The following ENY2 variants were observed in gnomAD, a reference collection of about 807,000 sequenced individuals.
ENY2 encodes ENY2 transcription and export complex 2 subunit.
A neutral mutation model predicts 15.9 loss-of-function variants in ENY2; 4 were observed. The observed-to-expected ratio is 0.25, with a 90% confidence interval of 0.12 to 0.57. The LOEUF is 0.57. Ranked by LOEUF, ENY2 falls within the 20% of genes least tolerant of loss-of-function variation. ENY2 has a pLI of 0.91. For missense variants in ENY2, 54 were observed against 117.2 expected (o/e 0.46, Z 2.49); for synonymous variants, 48 against 38.0 (o/e 1.26, Z -0.97).
intron 2 of ENY2, chr8:109,338,728 A>G (rs554001272): frequency 6.6e-6 from 1 of 152,336 alleles, no homozygotes; most frequent in African/African-American, 2.4e-5. Context: ...GAGAGAAAGA[A>G]AACACTGGGG....
In ENY2 at chr8:109,334,847, C is replaced by T. The variant is rs918119970; in HGVS notation, c.6+373C>T. Reference sequence around the variant, plus strand: ...TTCAATATTCCAGGAGTGGTACTGACTAGACCTTGTAGTTATTTTGAAAAT... The same window carrying T: ...TTCAATATTCCAGGAGTGGTACTGATTAGACCTTGTAGTTATTTTGAAAAT... On this transcript the variant is annotated intron_variant, in intron 1 of 4. Transcript: ENST00000521688. The T allele has an allele frequency of 1.5e-5, 4 of 264,550 alleles. No homozygotes were observed. The Admixed American group carries it at 2.1e-4, about 14-fold the overall frequency. The allele number at this position is 264,550 out of a possible 1,614,324, so 16.4% of individuals were successfully genotyped here.
chr8:109,342,640 T>G (rs1214507899), intron 4 of ENY2: 3 of 683,888 alleles, frequency 4.4e-6, no homozygotes, highest in Non-Finnish European at 8.0e-6. Flanking sequence ...CCCGAGTAGC[T>G]GAGACCACAG....
chr8:109,343,745 A>G lies in ENY2; in HGVS notation c.*264A>G, dbSNP rs906273713. 2.6e-6 allele frequency: 1 copy of G among 384,404 alleles called. No homozygotes were observed. Among genetic ancestry groups the G allele is most frequent in the Non-Finnish European group, 4.7e-6 (1 of 214,012 alleles). The allele number at this position is 384,404 out of a possible 1,614,324, so 23.8% of individuals were successfully genotyped here. On this transcript the variant is annotated 3_prime_UTR_variant, in exon 5 of 5. Transcript: ENST00000521688. ...CACCAAATTTGTTGAGCGCAAAAGC[A>G]ATTAATGTAGTTTAAGTATTTAGTA...
In ENY2 at chr8:109,340,472, T is replaced by A; in HGVS notation, c.155-17T>A. On this transcript the variant is annotated splice_polypyrimidine_tract_variant and intron_variant, in intron 3 of 4. Transcript: ENST00000521688. The stretch of plus-strand genomic sequence containing the variant: ...ATGATTTTAAATGATATGATTTGTT[T>A]TTTGCTTTTGCATAAGAGGTAATTA... 1 of 1,611,782 alleles carries A rather than the reference T, an allele frequency of 6.2e-7. No individual in the cohort carries two copies.
intron 1 of ENY2, 154 bp downstream of exon 1, chr8:109,334,628 T>C: frequency 1.2e-6 from 1 of 844,530 alleles, no homozygotes; most frequent in Non-Finnish European, 1.7e-6. Flanking sequence ...AAACCAGTCC[T>C]CGCTTTGTTT....
intron 4 of ENY2, chr8:109,342,779 C>T (rs1047672114): frequency 1.7e-5 from 12 of 693,126 alleles, no homozygotes; most frequent in Non-Finnish European, 2.9e-5. Flanking sequence ...GCTGGGATGA[C>T]AGGCGTGAGC....
chr8:109,341,029 A>T (rs1816100779), intron 4 of ENY2, among the ~76,000 whole-genome samples: 1 of 152,128 alleles, frequency 6.6e-6, no homozygotes, highest in Admixed American at 6.5e-5. Context: ...TGTTCAGAGT[A>T]ATTCATATTT....
At chr8:109,334,502 C>T in intron 1 of ENY2, 28 bp downstream of exon 1, 2 of 1,609,828 alleles carry the variant, frequency 1.2e-6, no homozygotes, top group Non-Finnish European at 1.7e-6. Flanking sequence ...TCCTCAGGGC[C>T]GGGACCCGGG....
At chr8:109,340,624 TTGC>T in intron 4 of ENY2, 61 bp downstream of exon 4, 1 of 1,591,836 alleles carries the variant, frequency 6.3e-7, no homozygotes, top group Non-Finnish European at 8.5e-7. Context: ...TTAAAATCTC[TTGC>T]TGGTTCAGAT....
intron 4 of ENY2, chr8:109,342,658 C>T (rs1816147537): frequency 1.4e-6 from 1 of 693,674 alleles, no homozygotes; most frequent in South Asian, 1.5e-5. Context: ...CAGACACACA[C>T]CACCATGCTC....
At chr8:109,339,196 C>A in intron 2 of ENY2, 124 bp from the exon 3 acceptor site, 1 of 756,688 alleles carries the variant, frequency 1.3e-6, no homozygotes, top group Non-Finnish European at 2.2e-6. Context: ...CAAGATTAGG[C>A]CACAGTTAAA....
intron 1 of ENY2, chr8:109,335,819 C>G: frequency 5.1e-6 from 1 of 197,418 alleles, no homozygotes; most frequent in Admixed American, 5.9e-5. Context: ...CAAATTTTGC[C>G]TTTCCACTTT....
intron 2 of ENY2, chr8:109,338,795 GA>G (rs1816049500): frequency 6.6e-6 from 1 of 152,478 alleles, no homozygotes; most frequent in African/African-American, 2.4e-5. Flanking sequence ...TACAGTCAAT[GA>G]AATACCATTG....
rs974188230 is a variant in ENY2 at position 109,345,552 on chromosome 8, A to T, written c.*2071A>T. 6.6e-6 allele frequency: 1 copy of T among 152,164 alleles called. No homozygotes were observed. The highest frequency in any genetic ancestry group is 1.5e-5 in the Non-Finnish European group (1 of 68,018). 9.4% of individuals were successfully genotyped at this position (152,164 alleles called of 1,614,324 possible). A position where few individuals can be genotyped will look rare whatever the true frequency, so the allele number is the denominator to read the frequency against. ...TGTTTCACTTCATCTCTTATAAAAC[A>T]ATGTTCTAAAGTAAGTGATAGGGAT... On this transcript the variant is annotated 3_prime_UTR_variant, in exon 5 of 5. Coordinates refer to ENST00000521688, the MANE Select transcript of ENY2 (RefSeq NM_020189.6).
At position 109,345,891 on chromosome 8, in the gene ENY2, C is replaced by A. The variant is rs1207063423; in HGVS notation, c.*2410C>A. On this transcript the variant is annotated 3_prime_UTR_variant, in exon 5 of 5. Coordinates refer to ENST00000521688, the MANE Select transcript of ENY2 (RefSeq NM_020189.6). ...ACCTGTAGGCTTCTTTGACAACTTACAAATGTTCTCTAGTTTGTATCTAGA... is the reference window on the plus strand; with the variant it reads ...ACCTGTAGGCTTCTTTGACAACTTAAAAATGTTCTCTAGTTTGTATCTAGA... 5.9e-5 allele frequency: 9 copies of A among 152,296 alleles called. No homozygotes were observed. The East Asian group carries it at 1.5e-3, about 26-fold the overall frequency. The allele number at this position is 152,296 out of a possible 1,614,324, so 9.4% of individuals were successfully genotyped here.
At chr8:109,343,042 T>C (rs1279350947) in intron 4 of ENY2, among the ~76,000 whole-genome samples, 1 of 152,222 alleles carries the variant, frequency 6.6e-6, no homozygotes, top group Non-Finnish European at 1.5e-5. Flanking sequence ...TCCTCAGTTT[T>C]TATCTTTTGG....
intron 3 of ENY2, chr8:109,339,692 T>C: frequency 3.7e-6 from 1 of 272,122 alleles, no homozygotes; most frequent in Non-Finnish European, 6.8e-6. Context: ...ACTTTAGGGT[T>C]GGCAGACTTA....
At chr8:109,334,561 C>T in intron 1 of ENY2, 87 bp downstream of exon 1, 2 of 1,479,804 alleles carry the variant, frequency 1.4e-6, no homozygotes, top group South Asian at 2.7e-5. Flanking sequence ...GCGTCCCCGA[C>T]CCGCGCTCGC....
intron 3 of ENY2, 31 bp from the exon 4 acceptor site, chr8:109,340,458 T>C (rs1563692467): frequency 6.2e-7 from 1 of 1,609,274 alleles, no homozygotes; most frequent in Non-Finnish European, 8.5e-7. Context: ...TGATTTTAAA[T>C]GATATGATTT....
Sources: gnomAD v4.1 joint callset for allele counts (sites outside exome capture counted in the v4.1 genomes callset) on GRCh38, gnomAD v4.1.1 for gene constraint, MANE v1.5 for transcripts, NCBI Gene and HGNC (gene_info 2026-07-23, HGNC 2026-07-21) for gene names.